PAPPA: variants seen among roughly 807,000 people sequenced by gnomAD.
The protein encoded by PAPPA is pappalysin-1.
PAPPA carries 60 observed loss-of-function variants against 164.0 expected under a neutral mutation model. The ratio of observed to expected loss-of-function variants is 0.37; its 90% CI spans 0.30 to 0.45. The LOEUF is 0.45. Ranked by LOEUF, PAPPA falls within the 20% of genes least tolerant of loss-of-function variation. PAPPA has a pLI of 1.00. For synonymous variants in PAPPA, 875 were observed against 814.1 expected (o/e 1.07, Z -1.27); for missense variants, 1,782 against 2,087.3 (o/e 0.85, Z 2.85).
At chr9:116,241,243 C>T (rs1844732038) in intron 7 of PAPPA, among the ~76,000 whole-genome samples, 1 of 152,158 alleles carries the variant, frequency 6.6e-6, no homozygotes, top group East Asian at 1.9e-4. Context: ...TACTTTCTAA[C>T]CTCTAGGGAT....
At chr9:116,311,264 G>A (rs1845714721) in intron 10 of PAPPA, among the ~76,000 whole-genome samples, 1 of 151,852 alleles carries the variant, frequency 6.6e-6, no homozygotes, top group Admixed American at 6.6e-5. Context: ...GAATCTTCTG[G>A]GTCCAAAGCA....
At chr9:116,220,875 A>T (rs541226067) in intron 5 of PAPPA, among the ~76,000 whole-genome samples, 1 of 151,444 alleles carries the variant, frequency 6.6e-6, no homozygotes, top group Non-Finnish European at 1.5e-5. Flanking sequence ...ACAGAGCGAA[A>T]CTCTGTCTCA....
chr9:116,188,419 G>A (rs1844004824), intron 2 of PAPPA, among the ~76,000 whole-genome samples: 1 of 152,116 alleles, frequency 6.6e-6, no homozygotes, highest in East Asian at 1.9e-4. Flanking sequence ...TTTATTGAGT[G>A]CCTACCATGA....
intron 10 of PAPPA, among the ~76,000 whole-genome samples, chr9:116,328,477 G>A (rs1845948197): frequency 6.6e-6 from 1 of 152,166 alleles, no homozygotes; most frequent in Non-Finnish European, 1.5e-5. Context: ...TCAGCAATGG[G>A]ATAGGAGATT....
chr9:116,363,508 G>T (rs1290860445), intron 18 of PAPPA, among the ~76,000 whole-genome samples: 1 of 152,206 alleles, frequency 6.6e-6, no homozygotes, highest in African/African-American at 2.4e-5. Flanking sequence ...CCAGGTGTCT[G>T]GACACATGCA....
At position 116,220,094 on chromosome 9, in the gene PAPPA, G is replaced by C; in HGVS notation, c.2076G>C (p.Glu692Asp). The C allele has an allele frequency of 6.2e-7, 1 of 1,614,008 alleles. No homozygotes were observed. Among genetic ancestry groups the C allele is most frequent in the Non-Finnish European group, 8.5e-7 (1 of 1,179,992 alleles). The change falls in exon 5 of 22, where the codon GAG becomes GAC. Residue 692 changes from glutamate (E) to aspartate (D), a missense_variant. Around this residue, in one of 2 missense-constraint regions of PAPPA, gnomAD observed 1,324 missense variants for 1,656.9 expected, o/e 0.80. Transcript: ENST00000328252. ...ACACAACGGACTCTGTGACACTGGA[G>C]TGGTTCCCACCTATAGATGGCCATT... ...LGHTTDSVTL[E>D]WFPPIDGHFF...
At chr9:116,213,756 G>A (rs987111161) in intron 4 of PAPPA, among the ~76,000 whole-genome samples, 2 of 152,134 alleles carry the variant, frequency 1.3e-5, no homozygotes, top group East Asian at 1.9e-4. Context: ...CCCATTAACA[G>A]CAGAACTAAT....
At chr9:116,269,569 G>C (rs886767674) in intron 8 of PAPPA, among the ~76,000 whole-genome samples, 1 of 152,218 alleles carries the variant, frequency 6.6e-6, no homozygotes, top group South Asian at 2.1e-4. Context: ...CACAGAGAAA[G>C]ATGGCCACCC....
At chr9:116,280,668 C>T (rs1051454881) in intron 9 of PAPPA, among the ~76,000 whole-genome samples, 1 of 152,222 alleles carries the variant, frequency 6.6e-6, no homozygotes, top group Admixed American at 6.5e-5. Flanking sequence ...ACACTCTCTA[C>T]CAAGCCCTGC....
intron 6 of PAPPA, among the ~76,000 whole-genome samples, chr9:116,231,760 C>CTTTTTTTTTTTTTTTTTTTT (rs1470170244): frequency 3.5e-4 from 1 of 2,820 alleles, no homozygotes; most frequent in African/African-American, 1.3e-3. Context: ...CTTTTCTTTT[C>CTTTTTTTTTTTTTTTTTTTT]TTTTTCTTTT....
chr9:116,172,986 G>A (rs575909910), intron 1 of PAPPA, among the ~76,000 whole-genome samples: 1 of 152,162 alleles, frequency 6.6e-6, no homozygotes, highest in South Asian at 2.1e-4. Flanking sequence ...GAGTTTATGA[G>A]ATAGACTCTC....
chr9:116,197,065 G>T (rs2118651903), intron 2 of PAPPA, among the ~76,000 whole-genome samples: 1 of 152,318 alleles, frequency 6.6e-6, no homozygotes, highest in East Asian at 1.9e-4. Context: ...GCGTGAGGAA[G>T]GAATTGACTA....
intron 7 of PAPPA, among the ~76,000 whole-genome samples, chr9:116,251,166 C>T (rs1321315603): frequency 6.6e-6 from 1 of 152,190 alleles, no homozygotes; most frequent in Non-Finnish European, 1.5e-5. Context: ...GCTCAGAAGA[C>T]TTCGTGGACA....
At position 116,210,193 on chromosome 9, in the gene PAPPA, C is replaced by T. The variant is rs1004554150; in HGVS notation, c.1625-1446C>T. Among the ~76,000 whole-genome samples the T allele has an allele frequency of 1.6e-4, 25 of 152,100 alleles. 1 individual carries two copies. The highest frequency in any genetic ancestry group is 1.3e-3 in the Admixed American group (20 of 15,256). On this transcript the variant is annotated intron_variant, in intron 3 of 21. Transcript: ENST00000328252. ...TCATACCCAAGTGAATGTGCACACC[C>T]GCACACTCACATGCCCTCTCACACA...
chr9:116,379,717 G>A (rs1401880221), intron 20 of PAPPA, among the ~76,000 whole-genome samples: 3 of 152,184 alleles, frequency 2.0e-5, no homozygotes, highest in African/African-American at 4.8e-5. Context: ...CAATTAAAGA[G>A]AGAATTTTAA....
intron 21 of PAPPA, among the ~76,000 whole-genome samples, chr9:116,383,490 C>T (rs1398888398): frequency 2.0e-5 from 3 of 151,874 alleles, no homozygotes; most frequent in African/African-American, 7.3e-5. Context: ...GGCACTGAGG[C>T]CCATAAAAGA....
chr9:116,308,660 T>G (rs1426291897), intron 10 of PAPPA, among the ~76,000 whole-genome samples: 2 of 152,202 alleles, frequency 1.3e-5, no homozygotes, highest in Non-Finnish European at 2.9e-5. Flanking sequence ...AGCTAGTGTC[T>G]TTTGCATCTT....
intron 4 of PAPPA, among the ~76,000 whole-genome samples, chr9:116,214,794 C>T (rs1161614889): frequency 1.3e-5 from 2 of 152,180 alleles, no homozygotes; most frequent in South Asian, 4.1e-4. Context: ...CTCTAGCCTA[C>T]AGGAGCAAGT....
chr9:116,163,291 G>A (rs1461104487), intron 1 of PAPPA, among the ~76,000 whole-genome samples: 4 of 152,182 alleles, frequency 2.6e-5, no homozygotes, highest in African/African-American at 4.8e-5. Context: ...TGTGGGAGTG[G>A]GGATGCAGGA....
Sources: allele counts gnomAD v4.1 joint callset (sites outside exome capture counted in the v4.1 genomes callset), GRCh38; gene constraint gnomAD v4.1.1; regional missense constraint gnomAD v4.1.1; transcripts MANE v1.5; gene names NCBI Gene and HGNC (gene_info 2026-07-23, HGNC 2026-07-21).